Variants in DRC11 observed in about 807,000 individuals in gnomAD.
DRC11 encodes the protein dynein regulatory complex subunit 11, also known as IQ and AAA domain-containing protein 1.
At chr2:236,504,268 G>A in the DRC11 span, among the ~76,000 whole-genome samples, 3 of 152,004 alleles carry the variant, frequency 2.0e-5, no homozygotes, top group Non-Finnish European at 4.4e-5. This position sits in a 1 kb window ranked among gnomAD's most constrained non-coding sequence, Gnocchi z 5.0. Flanking sequence ...CCACACTGTC[G>A]CATACTTTGT....
At chr2:236,374,602 C>T in the DRC11 span, among the ~76,000 whole-genome samples, 3 of 152,102 alleles carry the variant, frequency 2.0e-5, no homozygotes, top group Admixed American at 6.5e-5. Flanking sequence ...AAGGCAAAGG[C>T]GGAGCAAGAT....
chr2:236,499,055 C>T, the DRC11 span, among the ~76,000 whole-genome samples: 3 of 152,154 alleles, frequency 2.0e-5, no homozygotes, highest in Non-Finnish European at 4.4e-5. This position sits in a 1 kb window ranked among gnomAD's most constrained non-coding sequence, Gnocchi z 4.7. Flanking sequence ...AGCCCTAATC[C>T]CCTGAAGGAG....
At chr2:236,469,819 T>A in the DRC11 span, among the ~76,000 whole-genome samples, 1 of 152,174 alleles carries the variant, frequency 6.6e-6, no homozygotes, top group Non-Finnish European at 1.5e-5. This position sits in a 1 kb window ranked among gnomAD's most constrained non-coding sequence, Gnocchi z 5.8. Context: ...AAACAGCAAC[T>A]CATTTAAAAA....
At chr2:236,337,180 C>T in the DRC11 span, among the ~76,000 whole-genome samples, 1 of 152,206 alleles carries the variant, frequency 6.6e-6, no homozygotes, top group African/African-American at 2.4e-5. The surrounding 1 kb of genome is among the most constrained non-coding windows in gnomAD (Gnocchi z 4.9). Flanking sequence ...GTGACTCTCA[C>T]ATCATGAGGT....
chr2:236,358,913 AC>A, the DRC11 span, among the ~76,000 whole-genome samples: 1 of 150,402 alleles, frequency 6.6e-6, no homozygotes, highest in Middle Eastern at 3.4e-3. Context: ...TGTGCCCTCC[AC>A]AAGACACAGG....
At chr2:236,448,706 G>A in the DRC11 span, among the ~76,000 whole-genome samples, 2 of 152,272 alleles carry the variant, frequency 1.3e-5, no homozygotes, top group East Asian at 3.9e-4. The surrounding 1 kb of genome is among the most constrained non-coding windows in gnomAD (Gnocchi z 5.3). Context: ...GGCCCAAGGT[G>A]CAGCCAGGAG....
At chr2:236,356,604 C>T in the DRC11 span, among the ~76,000 whole-genome samples, 1,080 of 152,228 alleles carry the variant, frequency 7.1e-3, 8 homozygotes, top group Non-Finnish European at 0.012. Context: ...CTTTTCTCAT[C>T]TGTAAAATGG....
the DRC11 span, among the ~76,000 whole-genome samples, chr2:236,382,250 A>G: frequency 6.6e-6 from 1 of 152,194 alleles, no homozygotes; most frequent in African/African-American, 2.4e-5. Context: ...AAAGTCAGGT[A>G]GGCATGTTTG....
chr2:236,437,331 C>T, the DRC11 span, among the ~76,000 whole-genome samples: 15 of 143,184 alleles, frequency 1.0e-4, no homozygotes, highest in African/African-American at 4.0e-4. Flanking sequence ...TTTCTTAATC[C>T]AGTCTATCAT....
At chr2:236,406,046 T>G in the DRC11 span, among the ~76,000 whole-genome samples, 5 of 152,218 alleles carry the variant, frequency 3.3e-5, no homozygotes, top group African/African-American at 1.2e-4. The surrounding 1 kb of genome is among the most constrained non-coding windows in gnomAD (Gnocchi z 4.7). Flanking sequence ...CTGACCATTT[T>G]TCGTAAGTTT....
At chr2:236,321,533 T>C in the DRC11 span, among the ~76,000 whole-genome samples, 7 of 152,184 alleles carry the variant, frequency 4.6e-5, no homozygotes, top group African/African-American at 7.2e-5. Flanking sequence ...CAGGCTGTGA[T>C]GTAAATATCA....
At chr2:236,322,155 G>T in the DRC11 span, among the ~76,000 whole-genome samples, 2 of 151,580 alleles carry the variant, frequency 1.3e-5, no homozygotes, top group African/African-American at 4.8e-5. Context: ...AACTCAGCCA[G>T]AAGCCCCTCT....
the DRC11 span, chr2:236,380,708 A>C: frequency 3.4e-6 from 4 of 1,160,834 alleles, no homozygotes; most frequent in Non-Finnish European, 5.0e-6. The surrounding 1 kb of genome is among the most constrained non-coding windows in gnomAD (Gnocchi z 4.9). Context: ...AAATTAGCTA[A>C]GCACGTTGTT....
At chr2:236,380,954 C>T in the DRC11 span, among the ~76,000 whole-genome samples, 144 of 152,228 alleles carry the variant, frequency 9.5e-4, 8 homozygotes, top group South Asian at 0.029. This position sits in a 1 kb window ranked among gnomAD's most constrained non-coding sequence, Gnocchi z 4.9. Flanking sequence ...ATGAGAGTGC[C>T]GTGTGCACAT....
At chr2:236,338,395 A>G in the DRC11 span, 9 of 1,588,964 alleles carry the variant, frequency 5.7e-6, no homozygotes, top group East Asian at 2.2e-5. Context: ...GGGAGAGAGA[A>G]AAAAAAATTG....
the DRC11 span, chr2:236,507,420 T>C: frequency 1.3e-6 from 1 of 745,946 alleles, no homozygotes. Flanking sequence ...TGCGAGAATC[T>C]TCTGCTTCGG....
chr2:236,406,262 G>A, the DRC11 span, among the ~76,000 whole-genome samples: 1 of 152,190 alleles, frequency 6.6e-6, no homozygotes, highest in South Asian at 2.1e-4. The surrounding 1 kb of genome is among the most constrained non-coding windows in gnomAD (Gnocchi z 4.7). Context: ...CCTTCTTCTT[G>A]CCCTCCCCAA....
chr2:236,317,817 T>C, the DRC11 span, among the ~76,000 whole-genome samples: 1 of 152,234 alleles, frequency 6.6e-6, no homozygotes, highest in Non-Finnish European at 1.5e-5. The surrounding 1 kb of genome is among the most constrained non-coding windows in gnomAD (Gnocchi z 5.4). Flanking sequence ...TCATGGCCCC[T>C]GGCATGTGGA....
the DRC11 span, chr2:236,486,718 A>G: frequency 1.4e-4 from 108 of 752,718 alleles, no homozygotes; most frequent in African/African-American, 1.8e-3. This position sits in a 1 kb window ranked among gnomAD's most constrained non-coding sequence, Gnocchi z 5.7. Flanking sequence ...ATTCCATTAA[A>G]TCATTTATTT....
Sources: allele counts gnomAD v4.1 joint callset (sites outside exome capture counted in the v4.1 genomes callset), GRCh38; gene constraint gnomAD v4.1.1; non-coding constraint Gnocchi (gnomAD v3.1); transcripts MANE v1.5; gene names NCBI Gene and HGNC (gene_info 2026-07-23, HGNC 2026-07-21).